The following CPAMD8 variants were observed in gnomAD, a reference collection of about 807,000 sequenced individuals.
CPAMD8 encodes C3 and PZP like alpha-2-macroglobulin domain containing 8.
In CPAMD8, 146 loss-of-function variants were observed where a neutral mutation model predicts 224.7. The observed-to-expected ratio is 0.65, with a 90% CI of 0.57 to 0.75. CPAMD8 has a LOEUF of 0.75. Ranked by LOEUF, CPAMD8 falls within the 30% of genes least tolerant of loss-of-function variation. The pLI, the probability that CPAMD8 is intolerant of heterozygous loss-of-function variation, is 0.00. For missense variants in CPAMD8, 2,301 were observed against 2,537.5 expected, an observed-to-expected ratio of 0.91 and a Z score of 2.00; for synonymous variants, 966 against 1,044.6, an observed-to-expected ratio of 0.92 and a Z score of 1.45.
chr19:16,894,690 G>C, intron 41 of CPAMD8: 1 of 332,790 alleles, frequency 3.0e-6, no homozygotes. Flanking sequence ...AGTAGCTTGT[G>C]TCAGACCACC....
chr19:16,906,144 G>C (rs2052468366), intron 30 of CPAMD8, among the ~76,000 whole-genome samples: 1 of 152,120 alleles, frequency 6.6e-6, no homozygotes, highest in Non-Finnish European at 1.5e-5. Context: ...CTTGGGGCTG[G>C]TGTGACTTGG....
rs996409230 is a variant in CPAMD8 at position 16,981,763 on chromosome 19, A to G, written c.1396-1077T>C. ...AATGTTGGGATCACCCTGAAAGCCC[A>G]GAAGAGGGATATCTGGAGTAGGGGA... On this transcript the variant is annotated intron_variant, in intron 13 of 41. Coordinates refer to ENST00000443236, the MANE Select transcript of CPAMD8 (RefSeq NM_015692.5). 5.3e-5 allele frequency among the ~76,000 whole-genome samples: 8 copies of G among 152,352 alleles called. No individual in the cohort carries two copies. The East Asian group carries it at 1.5e-3, about 29-fold the overall frequency.
At chr19:16,924,207 G>A (rs540732711) in intron 26 of CPAMD8, among the ~76,000 whole-genome samples, 5 of 151,840 alleles carry the variant, frequency 3.3e-5, no homozygotes, top group Admixed American at 6.6e-5. Context: ...TAAGCCACCC[G>A]GTTTGTGGCA....
At chr19:16,903,411 A>C in intron 34 of CPAMD8, 150 bp downstream of exon 34, 3 of 1,111,990 alleles carry the variant, frequency 2.7e-6, no homozygotes, top group Non-Finnish European at 3.8e-6. Flanking sequence ...TGCCTTGGGC[A>C]GTATTAGAAG....
At chr19:17,023,299 G>A (rs1367961775) in intron 1 of CPAMD8, among the ~76,000 whole-genome samples, 1 of 152,074 alleles carries the variant, frequency 6.6e-6, no homozygotes, top group Non-Finnish European at 1.5e-5. Flanking sequence ...GCACTGAGGT[G>A]CCCTTAGGGG....
chr19:17,008,387 C>T, intron 7 of CPAMD8, 118 bp downstream of exon 7: 1 of 1,309,118 alleles, frequency 7.6e-7, no homozygotes, highest in South Asian at 1.3e-5. Context: ...TCCTTGGTCC[C>T]CTCCAGCTGG....
intron 13 of CPAMD8, among the ~76,000 whole-genome samples, chr19:16,981,653 A>AG (rs1169796692): frequency 6.6e-6 from 1 of 152,106 alleles, no homozygotes; most frequent in Non-Finnish European, 1.5e-5. Context: ...AGATCTCCCT[A>AG]GGGGGTTGGC....
rs1328637021 is a variant in CPAMD8, at chr19:17,002,299, A to G, written c.725T>C (p.Leu242Pro). Residue 242 changes from leucine to proline, a missense_variant, in exon 9 of 42, where the codon CTG becomes CCG. By Grantham distance (98) the Leu-to-Pro change is moderately conservative. Coordinates refer to ENST00000443236, the MANE Select transcript of CPAMD8 (RefSeq NM_015692.5). ...CACAGTGCCTGTCTCACAGGCGTCC[A>G]GGTCTTGGATATACCGGGGCGGGTC... is the stretch of plus-strand genomic sequence containing the variant. ...LIDPPRYIQD[L>P]DACETGTVRA... is the part of the protein sequence containing the mutation. The G allele has an allele frequency of 1.2e-6, 2 of 1,605,292 alleles. No individual in the cohort carries two copies. The highest frequency in any genetic ancestry group is 1.7e-6 in the Non-Finnish European group (2 of 1,174,980).
intron 27 of CPAMD8, among the ~76,000 whole-genome samples, chr19:16,919,273 A>G (rs2053079967): frequency 6.6e-6 from 1 of 151,886 alleles, no homozygotes; most frequent in South Asian, 2.1e-4. Context: ...AAGACCAAGT[A>G]ACAAAAGGCG....
intron 21 of CPAMD8, among the ~76,000 whole-genome samples, chr19:16,946,497 G>C (rs2054095733): frequency 7.3e-6 from 1 of 136,852 alleles, no homozygotes; most frequent in Non-Finnish European, 1.6e-5. Flanking sequence ...CTACACATGT[G>C]GGCATGTGTG....
At chr19:17,024,741 A>G (rs2057036099) in intron 1 of CPAMD8, among the ~76,000 whole-genome samples, 2 of 152,160 alleles carry the variant, frequency 1.3e-5, no homozygotes, top group Non-Finnish European at 2.9e-5. Flanking sequence ...CACCCCTAGC[A>G]TCTGGGCCAA....
intron 29 of CPAMD8, among the ~76,000 whole-genome samples, chr19:16,912,722 T>A (rs1360172154): frequency 6.6e-6 from 1 of 151,968 alleles, no homozygotes; most frequent in Non-Finnish European, 1.5e-5. Context: ...GAGAATCACT[T>A]GAACCCAGGA....
chr19:17,025,632 A>G (rs1434743936), intron 1 of CPAMD8, among the ~76,000 whole-genome samples: 1 of 152,174 alleles, frequency 6.6e-6, no homozygotes, highest in Non-Finnish European at 1.5e-5. Context: ...ACAACCAAAA[A>G]TACCTCCAGA....
In CPAMD8 at chr19:16,975,225, C is replaced by T. The variant is rs1216563091; in HGVS notation, c.1942G>A (p.Asp648Asn). Reference sequence around the variant, plus strand: ...TCCTCCCTGGACACGCCAAAGGAATCAGAAACATCATAATCTTCCAGTTCC... The same window carrying T: ...TCCTCCCTGGACACGCCAAAGGAATTAGAAACATCATAATCTTCCAGTTCC... ...FQELEDYDVS[D>N]SFGVSREDGP... Residue 648 changes from aspartate to asparagine, a missense_variant, in exon 17 of 42, where the codon GAT becomes AAT. By Grantham distance (23) the Asp-to-Asn change is conservative (BLOSUM62 1). Around this residue, in one of 4 missense-constraint regions of CPAMD8, gnomAD observed 1,709 missense variants for 1,753.2 expected, o/e 0.97. Transcript: ENST00000443236. The T allele has an allele frequency of 6.2e-7, 1 of 1,608,894 alleles. No individual in the cohort carries two copies. Among genetic ancestry groups the T allele is most frequent in the Admixed American group, 1.7e-5 (1 of 59,036 alleles).
intron 34 of CPAMD8, 118 bp downstream of exon 34, chr19:16,903,441 GTC>G: frequency 6.9e-7 from 1 of 1,445,484 alleles, no homozygotes; most frequent in Non-Finnish European, 9.5e-7. Flanking sequence ...CTGTCCTGCA[GTC>G]TGGCATGCTG....
At chr19:16,958,485 T>C (rs1003523030) in intron 18 of CPAMD8, among the ~76,000 whole-genome samples, 2 of 152,252 alleles carry the variant, frequency 1.3e-5, no homozygotes, top group Non-Finnish European at 2.9e-5. Context: ...TATTCCATGG[T>C]ATTTCTGTAC....
intron 12 of CPAMD8, among the ~76,000 whole-genome samples, chr19:16,991,864 AAAC>A (rs1410353059): frequency 6.6e-6 from 1 of 151,584 alleles, no homozygotes; most frequent in East Asian, 1.9e-4. Flanking sequence ...CAAAAAAAAA[AAAC>A]AACAGAACAG....
intron 30 of CPAMD8, among the ~76,000 whole-genome samples, chr19:16,905,894 T>C (rs1247270876): frequency 1.3e-5 from 2 of 151,956 alleles, no homozygotes; most frequent in Non-Finnish European, 2.9e-5. Context: ...AGTGGGGTGA[T>C]GATTTTGTAG....
chr19:16,963,187 T>A (rs1321286872), intron 18 of CPAMD8, among the ~76,000 whole-genome samples: 1 of 152,168 alleles, frequency 6.6e-6, no homozygotes, highest in Non-Finnish European at 1.5e-5. Context: ...AATTCACACA[T>A]AACAATATTA....
Sources: allele counts gnomAD v4.1 joint callset (sites outside exome capture counted in the v4.1 genomes callset), GRCh38; gene constraint gnomAD v4.1.1; regional missense constraint gnomAD v4.1.1; transcripts MANE v1.5; gene names NCBI Gene and HGNC (gene_info 2026-07-23, HGNC 2026-07-21).